Variants in CRNKL1 observed in about 807,000 individuals in gnomAD.
CRNKL1 encodes the protein crooked neck pre-mRNA splicing factor 1, also known as crooked neck-like protein 1.
Under a neutral mutation model 103.7 loss-of-function variants are expected in CRNKL1, and 35 were observed. The ratio of observed to expected loss-of-function variants is 0.34; its 90% confidence interval spans 0.26 to 0.45. The LOEUF (loss-of-function observed/expected upper bound fraction) is 0.45, where lower values mean the gene tolerates loss of function less well. Ranked by LOEUF, CRNKL1 falls within the 20% of genes least tolerant of loss-of-function variation. The pLI is 1.00. For missense variants in CRNKL1, 645 were observed against 836.0 expected (o/e 0.77, Z 2.82); for synonymous variants, 267 against 282.6 (o/e 0.94, Z 0.55).
At chr20:20,039,084 C>T (rs575602112) in intron 11 of CRNKL1, among the ~76,000 whole-genome samples, 34 of 152,328 alleles carry the variant, frequency 2.2e-4, no homozygotes, top group African/African-American at 6.7e-4. Flanking sequence ...ATTAACAAAA[C>T]GGCTGGGTGA....
At chr20:20,053,422 T>C (rs2043934914), upstream of CRNKL1, among the ~76,000 whole-genome samples, 1 of 152,190 alleles carries the variant, frequency 6.6e-6, no homozygotes, top group Non-Finnish European at 1.5e-5. Context: ...GAACCTACAT[T>C]GACACATCAT....
intron 13 of CRNKL1, among the ~76,000 whole-genome samples, 198 bp from the exon 14 acceptor site, chr20:20,036,560 C>T (rs112988781): frequency 1.5e-3 from 225 of 152,322 alleles, no homozygotes; most frequent in African/African-American, 5.0e-3. Context: ...GAGAACTAAA[C>T]TGGTAGAAAA....
chr20:20,053,856 C>T (rs1304284930), upstream of CRNKL1, among the ~76,000 whole-genome samples: 1 of 152,082 alleles, frequency 6.6e-6, no homozygotes, highest in African/African-American at 2.4e-5. Flanking sequence ...TTACTGTAAA[C>T]AATTGATTTA....
upstream of CRNKL1, among the ~76,000 whole-genome samples, chr20:20,054,009 G>GTTTTTTTTTTTT (rs1491456523): frequency 1.1e-5 from 1 of 88,854 alleles, no homozygotes; most frequent in African/African-American, 4.0e-5. Flanking sequence ...TGTTTTTTTT[G>GTTTTTTTTTTTT]TTTGTTTTTT....
In CRNKL1 at chr20:20,037,527, T is replaced by G; in HGVS notation, c.1692A>C (p.Glu564Asp). 6.2e-7 allele frequency: 1 copy of G among 1,614,184 alleles called. No homozygotes were observed. The highest frequency in any genetic ancestry group is 1.1e-5 in the South Asian group (1 of 91,084). ...FAQFELSSGK[E>D]GSLTKCRQIY... ...TTTGTCTGCATTTAGTCAAACTTCC[T>G]TCTTTTCCTGAAGACAACTCAAACT... Residue 564 changes from glutamate to aspartate, a missense_variant, in exon 13 of 14, where the codon GAA (glutamate) becomes GAC (aspartate). By Grantham distance (45) the Glu-to-Asp change is conservative. Around this residue, in one of 2 missense-constraint regions of CRNKL1, gnomAD observed 582 missense variants for 707.7 expected, o/e 0.82. Transcript: ENST00000536226.
At chr20:20,047,286 GT>G (rs1219048130) in intron 5 of CRNKL1, among the ~76,000 whole-genome samples, 1 of 151,974 alleles carries the variant, frequency 6.6e-6, no homozygotes, top group Non-Finnish European at 1.5e-5. Flanking sequence ...TGAACATGTC[GT>G]TTTTTTGCTT....
intron 3 of CRNKL1, 79 bp from the exon 4 acceptor site, chr20:20,048,580 C>T (rs2043631978): frequency 6.9e-7 from 1 of 1,449,428 alleles, no homozygotes; most frequent in Non-Finnish European, 9.5e-7. Flanking sequence ...ATCTGGAATG[C>T]ACTGATGTTT....
Position 20,049,435 on chromosome 20 carries a change from G to C in CRNKL1, c.205-4C>G. ...TTCTTATATTATCTTCAAAAGTCTG[G>C]AAGAAGGCAAAAAGGGTCAAGTCAA... On this transcript the variant is annotated splice_polypyrimidine_tract_variant and splice_region_variant and intron_variant, in intron 2 of 13. Transcript: ENST00000536226. 1 of 1,525,374 alleles carries C rather than the reference G, an allele frequency of 6.6e-7. No homozygotes were observed. Among genetic ancestry groups the C allele is most frequent in the Non-Finnish European group, 9.0e-7 (1 of 1,110,038 alleles). 94.5% of individuals were successfully genotyped at this position (1,525,374 alleles called of 1,614,324 possible). A position where few individuals can be genotyped will look rare whatever the true frequency, so the allele number is the denominator to read the frequency against.
chr20:20,053,753 T>C (rs1460351632), upstream of CRNKL1, among the ~76,000 whole-genome samples: 4 of 152,280 alleles, frequency 2.6e-5, no homozygotes, highest in South Asian at 2.1e-4. Flanking sequence ...AAAATTTAAA[T>C]AGAGAAGATT....
At chr20:20,054,004 T>G (rs1379595630), upstream of CRNKL1, among the ~76,000 whole-genome samples, 1 of 111,622 alleles carries the variant, frequency 9.0e-6, no homozygotes, top group Non-Finnish European at 1.9e-5. Context: ...GTGTGTGTTT[T>G]TTTTGTTTGT....
intron 1 of CRNKL1, 56 bp downstream of exon 1, chr20:20,052,236 C>T: frequency 6.7e-7 from 1 of 1,488,388 alleles, no homozygotes; most frequent in Non-Finnish European, 9.1e-7. Context: ...ACCCTCAGGG[C>T]TGAGGGATGC....
At chr20:20,052,525 G>A (rs764568104), upstream of CRNKL1, 2 of 1,614,248 alleles carry the variant, frequency 1.2e-6, no homozygotes, top group South Asian at 1.1e-5. Context: ...CCGTTTCCAT[G>A]GTGACCAGGC....
rs189531064 is a variant in CRNKL1, at chr20:20,050,362, A to G, written c.204+108T>C. On this transcript the variant is annotated intron_variant, in intron 2 of 13. Transcript: ENST00000536226. ...GAAGTACATTATTCATGCGTCTGGA[A>G]ACACTTAACCTCATCTTGCCCTACA... 9 of 912,302 alleles carry G rather than the reference A, an allele frequency of 9.9e-6. No homozygotes were observed. The Admixed American group carries it at 1.0e-4, about 10-fold the overall frequency. The allele number at this position is 912,302 out of a possible 1,614,324, so 56.5% of individuals were successfully genotyped here. A position where few individuals can be genotyped will look rare whatever the true frequency, so the allele number is the denominator to read the frequency against.
intron 12 of CRNKL1, among the ~76,000 whole-genome samples, 190 bp from the exon 13 acceptor site, chr20:20,037,761 A>G (rs2043444707): frequency 6.6e-6 from 1 of 152,222 alleles, no homozygotes; most frequent in African/African-American, 2.4e-5. Flanking sequence ...ACATTCTACA[A>G]TTAAATGTCT....
intron 8 of CRNKL1, 122 bp downstream of exon 8, chr20:20,042,203 G>T: frequency 2.4e-6 from 2 of 832,146 alleles, no homozygotes; most frequent in Non-Finnish European, 3.6e-6. Flanking sequence ...ATGAACAGAA[G>T]CCTATAAAAA....
chr20:20,049,582 C>A, intron 2 of CRNKL1, 151 bp from the exon 3 acceptor site: 1 of 584,274 alleles, frequency 1.7e-6, no homozygotes. Flanking sequence ...AATAAGAAAC[C>A]CACTACAGAA....
At chr20:20,052,891 T>C (rs2043866346), upstream of CRNKL1, 2 of 644,390 alleles carry the variant, frequency 3.1e-6, no homozygotes, top group East Asian at 2.8e-5. Flanking sequence ...CGCCCCCTCG[T>C]TTCTGGTTTC....
chr20:20,052,685 C>G (rs748341517), upstream of CRNKL1: 5 of 1,613,012 alleles, frequency 3.1e-6, no homozygotes, highest in Non-Finnish European at 4.2e-6. Context: ...ACTGGGATGA[C>G]CAGGCGAGGA....
At chr20:20,043,736 A>G in intron 6 of CRNKL1, 74 bp from the exon 7 acceptor site, 1 of 1,382,282 alleles carries the variant, frequency 7.2e-7, no homozygotes, top group Non-Finnish European at 1.0e-6. Flanking sequence ...GAGTAAATAT[A>G]ACAAAATATT....
Sources: gnomAD v4.1 joint callset for allele counts (sites outside exome capture counted in the v4.1 genomes callset) on GRCh38, gnomAD v4.1.1 for gene constraint, gnomAD v4.1.1 regional missense constraint, MANE v1.5 for transcripts, NCBI Gene and HGNC (gene_info 2026-07-23, HGNC 2026-07-21) for gene names.